TRHDE: variants seen among roughly 807,000 people sequenced by gnomAD.
The protein encoded by TRHDE is thyrotropin-releasing hormone-degrading ectoenzyme.
Under a neutral mutation model 125.7 loss-of-function variants are expected in TRHDE, and 72 were observed. The observed-to-expected ratio is 0.57, with a 90% CI of 0.47 to 0.70. The LOEUF (loss-of-function observed/expected upper bound fraction) is 0.70. Among genes scored for constraint, TRHDE ranks in the 30% least tolerant of loss-of-function variants. The probability of loss-of-function intolerance (pLI) is 0.00; values close to 1 mark genes in which losing one functional copy is unlikely to be tolerated. For missense variants in TRHDE, 1,110 were observed against 1,327.1 expected (o/e 0.84, Z 2.54); for synonymous variants, 509 against 509.1 (o/e 1.00, Z 0.00).
chr12:72,180,914 C>A (rs531884138), intron 2 of TRHDE, among the ~76,000 whole-genome samples: 1 of 152,116 alleles, frequency 6.6e-6, no homozygotes, highest in African/African-American at 2.4e-5. Context: ...GTTATGTGAG[C>A]AAAATGTATA....
intron 3 of TRHDE, among the ~76,000 whole-genome samples, chr12:72,413,867 G>A (rs1873620643): frequency 6.6e-6 from 1 of 151,954 alleles, no homozygotes; most frequent in Non-Finnish European, 1.5e-5. Flanking sequence ...CTTTCATAAA[G>A]TTACTTAATT....
At chr12:72,450,779 C>T (rs374067742) in intron 3 of TRHDE, among the ~76,000 whole-genome samples, 18 of 152,034 alleles carry the variant, frequency 1.2e-4, no homozygotes, top group Admixed American at 2.6e-4. Context: ...TGCAAGGATT[C>T]CCTTTTCTTC....
At chr12:72,490,730 A>G (rs1450038239) in intron 5 of TRHDE, among the ~76,000 whole-genome samples, 1 of 148,670 alleles carries the variant, frequency 6.7e-6, no homozygotes, top group Admixed American at 6.8e-5. Flanking sequence ...ACAATATTGC[A>G]TGATTTCACT....
At chr12:72,243,540 A>C (rs995471227) in intron 2 of TRHDE, among the ~76,000 whole-genome samples, 8 of 152,110 alleles carry the variant, frequency 5.3e-5, no homozygotes, top group African/African-American at 1.9e-4. Flanking sequence ...TGAAATAATA[A>C]TATTTTGCAA....
intron 1 of TRHDE, among the ~76,000 whole-genome samples, chr12:72,283,353 A>G (rs1879764690): frequency 6.6e-6 from 1 of 152,172 alleles, no homozygotes; most frequent in Non-Finnish European, 1.5e-5. Flanking sequence ...CCTTAAATGT[A>G]ATCTAGTCCA....
intron 2 of TRHDE, among the ~76,000 whole-genome samples, chr12:72,170,907 C>CTATCATATATAGTTATAAT (rs1876858631): frequency 6.6e-6 from 1 of 152,012 alleles, no homozygotes; most frequent in Non-Finnish European, 1.5e-5. Flanking sequence ...TAGTTGGAGA[C>CTATCATATATAGTTATAAT]AGGGTGTTAT....
chr12:72,583,432 CTATT>C (rs1428148409), intron 12 of TRHDE, among the ~76,000 whole-genome samples: 2 of 152,080 alleles, frequency 1.3e-5, no homozygotes, highest in African/African-American at 2.4e-5. Flanking sequence ...TTCTAATTAT[CTATT>C]TGTCATCATC....
Position 72,562,899 on chromosome 12 carries a change from A to G in TRHDE, c.1901A>G (p.Asp634Gly), listed in dbSNP as rs1437570502. The G allele has an allele frequency of 1.2e-6, 2 of 1,604,180 alleles. No individual in the cohort carries two copies. The highest frequency in any genetic ancestry group is 1.3e-5 in the African/African-American group (1 of 74,656). Residue 634 changes from aspartate to glycine, a missense_variant, in exon 9 of 19, where the codon GAT becomes GGT. Transcript: ENST00000261180. ...TATGTAAATATACAAGAAGTAATGG[A>G]TCAGTGGACACTCCAGATGGGTTAT... is the stretch of plus-strand genomic sequence containing the variant. ...GKYVNIQEVM[D>G]QWTLQMGYPV...
chr12:72,532,305 C>A (rs1868595764), intron 6 of TRHDE, among the ~76,000 whole-genome samples: 1 of 151,492 alleles, frequency 6.6e-6, no homozygotes, highest in Non-Finnish European at 1.5e-5. Flanking sequence ...AATAAATAAT[C>A]TCTTTGCTAT....
chr12:72,480,599 G>A (rs924807461), intron 5 of TRHDE, among the ~76,000 whole-genome samples: 3 of 152,090 alleles, frequency 2.0e-5, no homozygotes, highest in East Asian at 1.9e-4. Context: ...TTACATTTTT[G>A]TAGGAGTTTC....
In TRHDE at chr12:72,307,315, C is replaced by T. The variant is rs554862536; in HGVS notation, c.1188+20361C>T. On this transcript the variant is annotated intron_variant, in intron 2 of 18. Transcript: ENST00000261180. ...GAGTAGCCAGGATTACAGGCATGCGCCACCATACCCAGCTATTTTTTTTTT... is the reference window on the plus strand; with the variant it reads ...GAGTAGCCAGGATTACAGGCATGCGTCACCATACCCAGCTATTTTTTTTTT... Among the ~76,000 whole-genome samples the T allele has an allele frequency of 5.3e-5, 8 of 149,724 alleles. No homozygotes were observed. In the South Asian group the frequency reaches 1.7e-3, roughly 32 times the overall value.
At chr12:72,363,492 G>T (rs1871209157) in intron 2 of TRHDE, among the ~76,000 whole-genome samples, 1 of 151,820 alleles carries the variant, frequency 6.6e-6, no homozygotes, top group African/African-American at 2.4e-5. Flanking sequence ...ATGTAATCCA[G>T]CATATAAACA....
At position 72,377,778 on chromosome 12, in the gene TRHDE, C is replaced by T. The variant is rs539784076; in HGVS notation, c.1189-217C>T. Among the ~76,000 whole-genome samples the T allele has an allele frequency of 7.2e-5, 11 of 152,182 alleles. No individual in the cohort carries two copies. In the South Asian group the frequency reaches 1.9e-3, roughly 26 times the overall value. The stretch of plus-strand genomic sequence containing the variant: ...ATCTTCTCAATGTCATCTTGTAAAG[C>T]GAGGAAATTGTGACTTGCTCTCCTT... On this transcript the variant is annotated intron_variant, in intron 2 of 18. Transcript: ENST00000261180.
chr12:72,341,519 AT>A (rs1187346722), intron 2 of TRHDE, among the ~76,000 whole-genome samples: 1 of 152,158 alleles, frequency 6.6e-6, no homozygotes, highest in Non-Finnish European at 1.5e-5. Context: ...AAATTAAAGG[AT>A]TCATTGTTAT....
chr12:72,242,395 G>T (rs10879380), intron 2 of TRHDE, among the ~76,000 whole-genome samples: 71,381 of 151,970 alleles, frequency 0.47, 17,529 homozygotes, highest in Middle Eastern at 0.54. Context: ...GCTAGAGAGA[G>T]AAAAAATTAG....
chr12:72,456,354 G>GTGCT (rs1023911259), intron 3 of TRHDE, among the ~76,000 whole-genome samples: 25 of 152,142 alleles, frequency 1.6e-4, no homozygotes, highest in Non-Finnish European at 2.9e-4. Context: ...AGACACTTTT[G>GTGCT]TGCTCTTGGA....
intron 2 of TRHDE, among the ~76,000 whole-genome samples, chr12:72,150,475 G>A (rs963727856): frequency 1.3e-5 from 2 of 150,790 alleles, no homozygotes; most frequent in Non-Finnish European, 3.0e-5. Context: ...GTATACATGT[G>A]CCATGTTGGT....
intron 2 of TRHDE, among the ~76,000 whole-genome samples, chr12:72,224,839 T>A (rs952895822): frequency 6.6e-5 from 10 of 152,140 alleles, no homozygotes; most frequent in Admixed American, 6.6e-4. Context: ...TAGCCATATC[T>A]CTCCACTAAT....
intron 3 of TRHDE, among the ~76,000 whole-genome samples, chr12:72,396,444 T>C (rs1872792879): frequency 6.6e-6 from 1 of 152,106 alleles, no homozygotes; most frequent in South Asian, 2.1e-4. Context: ...GTTCACTCAC[T>C]CTTTCAAGAC....
Sources: allele counts gnomAD v4.1 joint callset (sites outside exome capture counted in the v4.1 genomes callset), GRCh38; gene constraint gnomAD v4.1.1; transcripts MANE v1.5; gene names NCBI Gene and HGNC (gene_info 2026-07-23, HGNC 2026-07-21).